The following KCNH5 variants were observed in gnomAD, a reference collection of about 807,000 sequenced individuals.
KCNH5 encodes voltage-gated delayed rectifier potassium channel KCNH5.
In KCNH5, 46 loss-of-function variants were observed where a neutral mutation model predicts 96.1. That is an observed-to-expected ratio of 0.48 (90% CI 0.38 to 0.61). KCNH5 has a LOEUF of 0.61. Ranked by LOEUF, KCNH5 falls within the 20% of genes least tolerant of loss-of-function variation. The pLI is 0.00. For missense variants in KCNH5, 907 were observed against 1,225.8 expected, an observed-to-expected ratio of 0.74 and a Z score of 3.88; for synonymous variants, 439 against 449.8, an observed-to-expected ratio of 0.98 and a Z score of 0.30.
intron 10 of KCNH5, among the ~76,000 whole-genome samples, chr14:62,726,744 C>T (rs1884934384): frequency 6.6e-6 from 1 of 152,122 alleles, no homozygotes; most frequent in African/African-American, 2.4e-5. Context: ...AGCAATTTTA[C>T]TCTTAGGTAC....
intron 7 of KCNH5, among the ~76,000 whole-genome samples, chr14:62,851,455 A>G (rs1887802668): frequency 6.6e-6 from 1 of 150,826 alleles, no homozygotes; most frequent in Non-Finnish European, 1.5e-5. Flanking sequence ...TCTTGATTCT[A>G]TAAAGAATTA....
chr14:62,725,501 T>C (rs2171878), intron 10 of KCNH5, among the ~76,000 whole-genome samples: 141,760 of 152,232 alleles, frequency 0.93, 66,649 homozygotes, highest in Non-Finnish European at 1. Flanking sequence ...GAAGAGACAA[T>C]TGAGTATTTC....
At chr14:63,017,808 A>G (rs1342886150) in intron 1 of KCNH5, among the ~76,000 whole-genome samples, 1 of 151,770 alleles carries the variant, frequency 6.6e-6, no homozygotes, top group Non-Finnish European at 1.5e-5. Context: ...CACCTAAGAA[A>G]ATTTCCTTTG....
intron 7 of KCNH5, among the ~76,000 whole-genome samples, chr14:62,886,839 T>A (rs1046007559): frequency 3.3e-5 from 5 of 152,292 alleles, no homozygotes; most frequent in Non-Finnish European, 7.4e-5. Context: ...AGGGAGGAAC[T>A]AATACCAGAA....
chr14:62,809,192 TTCTC>T (rs895712964), intron 8 of KCNH5, among the ~76,000 whole-genome samples: 1 of 152,158 alleles, frequency 6.6e-6, no homozygotes, highest in African/African-American at 2.4e-5. Flanking sequence ...ACATATTTGT[TTCTC>T]TCTAACTGAT....
intron 8 of KCNH5, among the ~76,000 whole-genome samples, chr14:62,818,115 G>C (rs965936104): frequency 8.8e-5 from 11 of 125,010 alleles, no homozygotes; most frequent in African/African-American, 1.1e-4. Context: ...GGGGCGGGGG[G>C]GGGGTGGAAG....
intron 2 of KCNH5, among the ~76,000 whole-genome samples, chr14:63,008,773 G>A (rs1891172729): frequency 6.6e-6 from 1 of 152,042 alleles, no homozygotes; most frequent in Non-Finnish European, 1.5e-5. Context: ...TGTCAAAGCT[G>A]AAATTTCAGC....
At chr14:62,933,502 G>C (rs1889620165) in intron 7 of KCNH5, among the ~76,000 whole-genome samples, 1 of 151,748 alleles carries the variant, frequency 6.6e-6, no homozygotes, top group Non-Finnish European at 1.5e-5. Context: ...TGTGTGTGTA[G>C]TGGTAGTTAA....
At chr14:62,840,841 C>T (rs1167202347) in intron 8 of KCNH5, among the ~76,000 whole-genome samples, 3 of 152,038 alleles carry the variant, frequency 2.0e-5, no homozygotes, top group African/African-American at 7.2e-5. Flanking sequence ...GCTAGGATTA[C>T]AGGCATGAGC....
At chr14:62,846,333 A>C (rs1158359649) in intron 8 of KCNH5, among the ~76,000 whole-genome samples, 1 of 152,044 alleles carries the variant, frequency 6.6e-6, no homozygotes, top group Non-Finnish European at 1.5e-5. Flanking sequence ...TCACTTGCAA[A>C]ATTTGTTGCA....
chr14:62,737,332 A>T (rs1885179946), intron 10 of KCNH5, among the ~76,000 whole-genome samples: 1 of 152,198 alleles, frequency 6.6e-6, no homozygotes, highest in Admixed American at 6.5e-5. Flanking sequence ...CTATTGCATG[A>T]ATAGGTTATA....
At chr14:62,763,658 G>A (rs1187330560) in intron 10 of KCNH5, among the ~76,000 whole-genome samples, 2 of 152,054 alleles carry the variant, frequency 1.3e-5, no homozygotes, top group Non-Finnish European at 2.9e-5. Context: ...AAAAAAAAGT[G>A]AGGGGAAGCT....
At chr14:62,711,842 C>T (rs904884921) in intron 10 of KCNH5, among the ~76,000 whole-genome samples, 21 of 152,290 alleles carry the variant, frequency 1.4e-4, no homozygotes, top group African/African-American at 4.8e-4. Context: ...GGTTATTGCA[C>T]CCTGTAGGTG....
At chr14:62,776,745 T>C (rs72728746) in intron 10 of KCNH5, among the ~76,000 whole-genome samples, 176 of 152,344 alleles carry the variant, frequency 1.2e-3, no homozygotes, top group Non-Finnish European at 2.1e-3. Context: ...AGCTCTAGAA[T>C]TTTTACATAG....
At chr14:62,923,248 G>C (rs1217642186) in intron 7 of KCNH5, among the ~76,000 whole-genome samples, 2 of 151,712 alleles carry the variant, frequency 1.3e-5, no homozygotes, top group Non-Finnish European at 2.9e-5. Context: ...AAAATACTTA[G>C]TAATAAATTT....
At chr14:62,908,952 C>T (rs1422392387) in intron 7 of KCNH5, among the ~76,000 whole-genome samples, 1 of 150,250 alleles carries the variant, frequency 6.7e-6, no homozygotes. Flanking sequence ...ACTCTTTGAG[C>T]AAACTCAACC....
At chr14:62,812,881 A>G (rs1355284692) in intron 8 of KCNH5, among the ~76,000 whole-genome samples, 2 of 152,164 alleles carry the variant, frequency 1.3e-5, no homozygotes, top group Non-Finnish European at 2.9e-5. Flanking sequence ...ATTATAATCA[A>G]TTCCTATGCT....
At chr14:63,037,312 C>G (rs1452044240) in intron 1 of KCNH5, among the ~76,000 whole-genome samples, 1 of 152,116 alleles carries the variant, frequency 6.6e-6, no homozygotes, top group Non-Finnish European at 1.5e-5. Flanking sequence ...TGCACATGCC[C>G]TCCACAGAAA....
At chr14:62,844,204 C>T (rs1887646196) in intron 8 of KCNH5, among the ~76,000 whole-genome samples, 1 of 150,970 alleles carries the variant, frequency 6.6e-6, no homozygotes, top group Non-Finnish European at 1.5e-5. Context: ...GACTAAAGAG[C>T]TTTTTCTGAT....
Sources: allele counts gnomAD v4.1 joint callset (sites outside exome capture counted in the v4.1 genomes callset), GRCh38; gene constraint gnomAD v4.1.1; transcripts MANE v1.5; gene names NCBI Gene and HGNC (gene_info 2026-07-23, HGNC 2026-07-21).